Variants in MYH14 observed in about 807,000 individuals in gnomAD.
MYH14 encodes the protein myosin heavy chain 14.
In MYH14, 123 loss-of-function variants were observed where a neutral mutation model predicts 255.5. The observed-to-expected ratio is 0.48, with a 90% confidence interval of 0.42 to 0.56. The LOEUF (loss-of-function observed/expected upper bound fraction) is 0.56, where lower values mean the gene tolerates loss of function less well. Among genes scored for constraint, MYH14 ranks in the 20% least tolerant of loss-of-function variants. MYH14 has a pLI of 0.00. For missense variants in MYH14, 2,423 were observed against 2,802.3 expected (o/e 0.86, Z 3.06); for synonymous variants, 1,095 against 1,161.2 (o/e 0.94, Z 1.16).
intron 2 of MYH14, among the ~76,000 whole-genome samples, chr19:50,216,822 T>TTTTTTTTTTTTTTTTC (rs2032503427): frequency 9.3e-6 from 1 of 107,960 alleles, no homozygotes; most frequent in Non-Finnish European, 2.2e-5. Context: ...TTTTTTTTTT[T>TTTTTTTTTTTTTTTTC]TTTGAGACAG....
chr19:50,246,924 G>A, intron 11 of MYH14, 80 bp from the exon 12 acceptor site: 1 of 1,010,764 alleles, frequency 9.9e-7, no homozygotes, highest in South Asian at 1.4e-5. Flanking sequence ...CAACAGTGTG[G>A]GAAACGGTAC....
intron 20 of MYH14, 148 bp downstream of exon 20, chr19:50,260,863 ATATGTGTGCATGCG>A (rs1231312602): frequency 3.0e-4 from 201 of 664,684 alleles, no homozygotes; most frequent in African/African-American, 2.8e-3. Context: ...GTGTGCATGC[ATATGTGTGCATGCG>A]TGTGTGTGCA....
At chr19:50,284,958 G>C (rs144751715) in intron 33 of MYH14, 1 of 139,176 alleles carries the variant, frequency 7.2e-6, no homozygotes, top group Non-Finnish European at 1.5e-5. Flanking sequence ...GTGCAGTGGC[G>C]TGATCTTGGC....
Position 50,221,142 on chromosome 19 carries a change from CTG to C in MYH14, c.563-1935_563-1934del, listed in dbSNP as rs2032798089. On this transcript the variant is annotated intron_variant, in intron 3 of 42. Coordinates refer to ENST00000642316, the MANE Select transcript of MYH14 (RefSeq NM_001145809.2). The surrounding 1 kb of genome is among the most constrained non-coding windows in gnomAD (Gnocchi z 5.3). ...GACCACCGCCTCCCTGTATGTCACA[CTG>C]TGTGTTATATTTCCTCCTGTGCCGT... 1.3e-5 allele frequency among the ~76,000 whole-genome samples: 2 copies of C among 152,122 alleles called. No individual in the cohort carries two copies. The highest frequency in any genetic ancestry group is 3.9e-4 in the East Asian group (2 of 5,194).
chr19:50,280,372 G>T lies in MYH14; in HGVS notation c.4279G>T (p.Ala1427Ser), dbSNP rs373111871. ...RERAGRELQT[A>S]QAQLSEWRRR... Reference sequence around the variant, plus strand: ...ACGGGCGGGCCGTGAACTGCAGACTGCCCAGGCCCAGGTGAGCAGCCCTAC... The same window carrying T: ...ACGGGCGGGCCGTGAACTGCAGACTTCCCAGGCCCAGGTGAGCAGCCCTAC... Residue 1427 changes from alanine (A) to serine (S), a missense_variant, in exon 32 of 43, where the codon GCC becomes TCC. Ala to Ser is a moderately conservative substitution (Grantham distance 99). Transcript: ENST00000642316. This position sits in a 1 kb window ranked among gnomAD's most constrained non-coding sequence, Gnocchi z 4.8. The T allele has an allele frequency of 2.6e-6, 4 of 1,539,646 alleles. No individual in the cohort carries two copies. Among genetic ancestry groups the T allele is most frequent in the Non-Finnish European group, 3.5e-6 (4 of 1,140,104 alleles).
intron 23 of MYH14, 55 bp downstream of exon 23, chr19:50,267,063 C>T: frequency 1.4e-6 from 2 of 1,475,710 alleles, no homozygotes; most frequent in East Asian, 2.5e-5. Context: ...GGCTGTGTCG[C>T]ATGGGTGGAG....
Position 50,280,467 on chromosome 19 carries a change from G to T in MYH14, c.4290+84G>T. On this transcript the variant is annotated intron_variant, in intron 32 of 42. Coordinates refer to ENST00000642316, the MANE Select transcript of MYH14 (RefSeq NM_001145809.2). The surrounding 1 kb of genome is among the most constrained non-coding windows in gnomAD (Gnocchi z 4.8). The stretch of plus-strand genomic sequence containing the variant: ...GGTTCCCCAGCTCAGGGATGGCCAT[G>T]CTGCCCACCTTCTCATAGGCCAGAC... 7.2e-7 allele frequency: 1 copy of T among 1,381,394 alleles called. No homozygotes were observed. The allele number at this position is 1,381,394 out of a possible 1,614,324, so 85.6% of individuals were successfully genotyped here.
At chr19:50,269,756 AG>A (rs2035226340) in intron 24 of MYH14, among the ~76,000 whole-genome samples, 1 of 152,194 alleles carries the variant, frequency 6.6e-6, no homozygotes, top group African/African-American at 2.4e-5. Flanking sequence ...ATGGGCTGGC[AG>A]GGAGCTGGAA....
At chr19:50,295,011 T>G (rs1338488983) in intron 39 of MYH14, among the ~76,000 whole-genome samples, 2 of 21,940 alleles carry the variant, frequency 9.1e-5, no homozygotes, top group Non-Finnish European at 2.2e-4. Flanking sequence ...TTAAGTTTTT[T>G]TTTTTTTTTT....
In MYH14 at chr19:50,236,789, G is replaced by A. The variant is rs548094679; in HGVS notation, c.1114+4719G>A. Among the ~76,000 whole-genome samples the A allele has an allele frequency of 7.3e-4, 111 of 152,132 alleles. 1 individual carries two copies. The Middle Eastern group carries it at 0.027, about 37-fold the overall frequency. The stretch of plus-strand genomic sequence containing the variant: ...GTTTGCGTTCAGCATTAAAAAAATC[G>A]AACAGCTTTAAGATATAATTCACGT... On this transcript the variant is annotated intron_variant, in intron 10 of 42. Coordinates refer to ENST00000642316, the MANE Select transcript of MYH14 (RefSeq NM_001145809.2).
rs1307490579 is a variant in MYH14 at position 50,303,884 on chromosome 19, C to T, written c.5678+2015C>T. Among the ~76,000 whole-genome samples, 36 of 152,288 alleles carry T rather than the reference C, an allele frequency of 2.4e-4. 1 individual carries two copies. The highest frequency in any genetic ancestry group is 2.1e-3 in the Admixed American group (32 of 15,298). On this transcript the variant is annotated intron_variant, in intron 40 of 42. Coordinates refer to ENST00000642316, the MANE Select transcript of MYH14 (RefSeq NM_001145809.2). ...GGAATGACCAAGAATGCCCCCATAA[C>T]ATTCCTAGTTGAGAACTGCTGTGCT... is the stretch of plus-strand genomic sequence containing the variant.
In MYH14 at chr19:50,246,960, C is replaced by A. The variant is rs1282892929; in HGVS notation, c.1211-44C>A. 2.8e-6 allele frequency: 4 copies of A among 1,423,132 alleles called. No individual in the cohort carries two copies. In the South Asian group the frequency reaches 4.8e-5, roughly 17 times the overall value. The allele number at this position is 1,423,132 out of a possible 1,614,324, so 88.2% of individuals were successfully genotyped here. A position where few individuals can be genotyped will look rare whatever the true frequency, so the allele number is the denominator to read the frequency against. On this transcript the variant is annotated intron_variant, in intron 11 of 42. Transcript: ENST00000642316. ...CCTCTCCCTTGCTGGGCAGCAAGCA[C>A]CTCTTCCCAGTGCTGATGGAATCTT...
chr19:50,276,949 G>T lies in MYH14; in HGVS notation c.3825+48G>T. The T allele has an allele frequency of 6.8e-7, 1 of 1,461,704 alleles. No individual in the cohort carries two copies. The highest frequency in any genetic ancestry group is 9.3e-7 in the Non-Finnish European group (1 of 1,070,070). The allele number at this position is 1,461,704 out of a possible 1,614,324, so 90.5% of individuals were successfully genotyped here. On this transcript the variant is annotated intron_variant, in intron 29 of 42. Coordinates refer to ENST00000642316, the MANE Select transcript of MYH14 (RefSeq NM_001145809.2). This position sits in a 1 kb window ranked among gnomAD's most constrained non-coding sequence, Gnocchi z 4.3. ...GGCAGGGGGGCCACGGGGAGGGCAGGGCAGGACGCGGGGTTGGAGGAGGTA... is the reference window on the plus strand; with the variant it reads ...GGCAGGGGGGCCACGGGGAGGGCAGTGCAGGACGCGGGGTTGGAGGAGGTA...
chr19:50,306,424 C>T (rs539914209), intron 40 of MYH14, among the ~76,000 whole-genome samples: 5 of 152,164 alleles, frequency 3.3e-5, no homozygotes, highest in African/African-American at 9.7e-5. Flanking sequence ...CTAGAGGTCC[C>T]ATCACATGGA....
chr19:50,243,311 C>T (rs2033963151), intron 10 of MYH14, among the ~76,000 whole-genome samples: 1 of 152,032 alleles, frequency 6.6e-6, no homozygotes, highest in East Asian at 1.9e-4. Context: ...TGGTGTGCAC[C>T]AGTAATCCCA....
rs1207294585 is a variant in MYH14, at chr19:50,223,233, T to C, written c.591-14T>C. On this transcript the variant is annotated splice_polypyrimidine_tract_variant and intron_variant, in intron 4 of 42. Transcript: ENST00000642316. The stretch of plus-strand genomic sequence containing the variant: ...CATTGCCAACCCCTTTGCTTCCCCT[T>C]GTCATCCCCACAGTGGAGAGTCTGG... 5 of 1,613,138 alleles carry C rather than the reference T, an allele frequency of 3.1e-6. No homozygotes were observed. Among genetic ancestry groups the C allele is most frequent in the Non-Finnish European group, 4.2e-6 (5 of 1,179,274 alleles).
intron 10 of MYH14, among the ~76,000 whole-genome samples, chr19:50,234,554 G>A (rs2033568753): frequency 6.6e-6 from 1 of 152,120 alleles, no homozygotes; most frequent in South Asian, 2.1e-4. Context: ...TTGACACAGG[G>A]TCTTGGGCCT....
chr19:50,227,063 C>A (rs2033143988), intron 8 of MYH14, 97 bp downstream of exon 8: 6 of 1,186,904 alleles, frequency 5.1e-6, no homozygotes, highest in Non-Finnish European at 7.5e-6. Context: ...GGACCCCTTA[C>A]CTGCTACTCA....
chr19:50,210,311 C>A, intron 1 of MYH14, 52 bp from the exon 2 acceptor site: 1 of 1,477,866 alleles, frequency 6.8e-7, no homozygotes, highest in Non-Finnish European at 9.1e-7. Context: ...GGAAGGGAGG[C>A]CCGGGGGACG....
Sources: gnomAD v4.1 joint callset for allele counts (sites outside exome capture counted in the v4.1 genomes callset) on GRCh38, gnomAD v4.1.1 for gene constraint, Gnocchi (gnomAD v3.1) non-coding constraint, MANE v1.5 for transcripts, NCBI Gene and HGNC (gene_info 2026-07-23, HGNC 2026-07-21) for gene names.